Variants in WDR70 observed in about 807,000 individuals in gnomAD.
WDR70 encodes WD repeat domain 70.
In WDR70, 53 loss-of-function variants were observed where a neutral mutation model predicts 88.6. The observed-to-expected ratio is 0.60, with a 90% CI of 0.48 to 0.75. WDR70 has a LOEUF of 0.75. Among genes scored for constraint, WDR70 ranks in the 30% least tolerant of loss-of-function variants. WDR70 has a pLI of 0.00. For missense variants in WDR70, 610 were observed against 823.2 expected, an observed-to-expected ratio of 0.74 and a Z score of 3.17; for synonymous variants, 280 against 270.0, an observed-to-expected ratio of 1.04 and a Z score of -0.36.
At chr5:37,519,208 A>G (rs113007318) in intron 9 of WDR70, among the ~76,000 whole-genome samples, 7,357 of 152,090 alleles carry the variant, frequency 0.048, 576 homozygotes, top group African/African-American at 0.16. Flanking sequence ...GTCTCTTCGG[A>G]GCTGTTGGGT....
At chr5:37,479,362 G>T (rs112650797) in intron 7 of WDR70, 13 of 31,246 alleles carry the variant, frequency 4.2e-4, no homozygotes, top group Non-Finnish European at 9.5e-4. Context: ...GGTTGGTGGT[G>T]GTTGTTTTTT....
intron 10 of WDR70, among the ~76,000 whole-genome samples, chr5:37,674,088 T>A (rs1272577550): frequency 6.6e-6 from 1 of 152,156 alleles, no homozygotes; most frequent in East Asian, 1.9e-4. Flanking sequence ...TATGCATGCA[T>A]GTGTCTTTAT....
intron 9 of WDR70, among the ~76,000 whole-genome samples, chr5:37,526,352 C>A (rs150690246): frequency 0.011 from 1,649 of 152,212 alleles, 23 homozygotes; most frequent in African/African-American, 0.037. Context: ...TAAACGTAAT[C>A]CATCATATAA....
At chr5:37,516,852 G>T (rs1187441441) in intron 9 of WDR70, among the ~76,000 whole-genome samples, 1 of 151,418 alleles carries the variant, frequency 6.6e-6, no homozygotes, top group Non-Finnish European at 1.5e-5. Context: ...CTCCCAGGTA[G>T]CTGAGATTAC....
chr5:37,449,604 TAAAAAATA>T lies in WDR70; in HGVS notation c.686+6238_686+6245del, dbSNP rs1315788116. On this transcript the variant is annotated intron_variant, in intron 7 of 17. Coordinates refer to ENST00000265107, the MANE Select transcript of WDR70 (RefSeq NM_018034.4). Reference sequence around the variant, plus strand: ...AAATTTTGTCTCAAAAAAAAAAAAATAAAAAATAAAAAATAAATAAATAAATAAATAAA... The same window carrying T: ...AAATTTTGTCTCAAAAAAAAAAAAATAAAAATAAATAAATAAATAAATAAA... Among the ~76,000 whole-genome samples, 50 of 95,402 alleles carry T rather than the reference TAAAAAATA, an allele frequency of 5.2e-4. 1 individual carries two copies. Among genetic ancestry groups the T allele is most frequent in the Non-Finnish European group, 1.6e-4 (7 of 43,460 alleles). The allele number at this position is 95,402 out of a possible 152,430, so 62.6% of individuals were successfully genotyped here. A position where few individuals can be genotyped will look rare whatever the true frequency, so the allele number is the denominator to read the frequency against.
chr5:37,462,168 CTT>C (rs1201790973), intron 7 of WDR70, among the ~76,000 whole-genome samples: 1 of 152,000 alleles, frequency 6.6e-6, no homozygotes, highest in East Asian at 1.9e-4. Context: ...CCTTAGAAGT[CTT>C]ATATATTTCC....
intron 17 of WDR70, among the ~76,000 whole-genome samples, chr5:37,748,967 G>T (rs752383386): frequency 3.8e-4 from 58 of 152,200 alleles, no homozygotes; most frequent in Non-Finnish European, 4.3e-4. Flanking sequence ...ATAGATGCTG[G>T]CAAGGCTGTG....
At chr5:37,404,544 T>C (rs971603397) in intron 5 of WDR70, among the ~76,000 whole-genome samples, 2 of 152,234 alleles carry the variant, frequency 1.3e-5, no homozygotes, top group Admixed American at 6.5e-5. Context: ...GAAGATGGCA[T>C]GGCAGAGGCC....
chr5:37,555,009 A>C (rs1325745345), intron 9 of WDR70, among the ~76,000 whole-genome samples: 1 of 152,222 alleles, frequency 6.6e-6, no homozygotes, highest in Non-Finnish European at 1.5e-5. Context: ...AGTTAGCTAC[A>C]TTTTATTATG....
chr5:37,422,815 C>T (rs1483155930), intron 5 of WDR70, among the ~76,000 whole-genome samples: 2 of 151,726 alleles, frequency 1.3e-5, no homozygotes, highest in South Asian at 2.1e-4. Flanking sequence ...TTTGTAGAAA[C>T]GGGGTTTTGC....
chr5:37,666,832 T>A (rs1051884008), intron 10 of WDR70, among the ~76,000 whole-genome samples: 1 of 152,018 alleles, frequency 6.6e-6, no homozygotes, highest in African/African-American at 2.4e-5. Context: ...ACTGGTCACA[T>A]GTCTAGGGTA....
chr5:37,673,648 A>C (rs1348018135), intron 10 of WDR70, among the ~76,000 whole-genome samples: 1 of 122,362 alleles, frequency 8.2e-6, no homozygotes, highest in African/African-American at 3.2e-5. Context: ...CATGTGCAGG[A>C]TGTGCAGGTT....
chr5:37,574,108 T>C (rs374901275), intron 9 of WDR70, among the ~76,000 whole-genome samples: 249 of 152,278 alleles, frequency 1.6e-3, no homozygotes, highest in African/African-American at 5.8e-3. Flanking sequence ...CAGGATTGGG[T>C]AGGGAAGACC....
chr5:37,634,667 G>A (rs1178734490), intron 10 of WDR70, among the ~76,000 whole-genome samples: 1 of 152,206 alleles, frequency 6.6e-6, no homozygotes, highest in Non-Finnish European at 1.5e-5. Flanking sequence ...CCTCAACCAA[G>A]TATGTGGAGT....
At chr5:37,513,244 C>T (rs1272933308) in intron 8 of WDR70, among the ~76,000 whole-genome samples, 1 of 152,082 alleles carries the variant, frequency 6.6e-6, no homozygotes, top group Non-Finnish European at 1.5e-5. Flanking sequence ...ATGTGGTGGG[C>T]CATGTTTTCT....
chr5:37,566,554 T>C (rs1742748035), intron 9 of WDR70, among the ~76,000 whole-genome samples: 1 of 152,162 alleles, frequency 6.6e-6, no homozygotes, highest in South Asian at 2.1e-4. Flanking sequence ...AGAAATAATG[T>C]TTACTTTTAA....
At chr5:37,589,982 A>C (rs1478102815) in intron 9 of WDR70, among the ~76,000 whole-genome samples, 1 of 152,192 alleles carries the variant, frequency 6.6e-6, no homozygotes, top group Non-Finnish European at 1.5e-5. Context: ...TTATAAGAGC[A>C]GAGTGTAAAT....
intron 3 of WDR70, among the ~76,000 whole-genome samples, chr5:37,383,282 C>T (rs1436569087): frequency 2.0e-5 from 3 of 152,116 alleles, no homozygotes; most frequent in East Asian, 3.9e-4. Flanking sequence ...TTATTTGAGA[C>T]GGAGGCCTGC....
intron 9 of WDR70, among the ~76,000 whole-genome samples, chr5:37,536,624 T>C (rs894345902): frequency 1.3e-5 from 2 of 152,158 alleles, no homozygotes; most frequent in Admixed American, 1.3e-4. Flanking sequence ...ATCATAGGTG[T>C]TGAACTTCAT....
Sources: allele counts gnomAD v4.1 joint callset (sites outside exome capture counted in the v4.1 genomes callset), GRCh38; gene constraint gnomAD v4.1.1; transcripts MANE v1.5; gene names NCBI Gene and HGNC (gene_info 2026-07-23, HGNC 2026-07-21).